The following MBD5 variants were observed in gnomAD, a reference collection of about 807,000 sequenced individuals.
The protein encoded by MBD5 is methyl-CpG binding domain protein 5.
A neutral mutation model predicts 117.3 loss-of-function variants in MBD5; 13 were observed. The observed-to-expected ratio is 0.11, with a 90% CI of 0.07 to 0.18. The LOEUF is 0.18. Among genes scored for constraint, MBD5 ranks in the 10% least tolerant of loss-of-function variants. The probability of loss-of-function intolerance (pLI) is 1.00; values close to 1 mark genes in which losing one functional copy is unlikely to be tolerated. For synonymous variants in MBD5, 727 were observed against 766.4 expected (o/e 0.95, Z 0.85); for missense variants, 1,879 against 2,093.8 (o/e 0.90, Z 2.00).
intron 3 of MBD5, among the ~76,000 whole-genome samples, chr2:148,330,760 A>G (rs150667484): frequency 1.5e-3 from 224 of 152,304 alleles, no homozygotes; most frequent in African/African-American, 5.0e-3. Flanking sequence ...GGTGCAGTGG[A>G]CATGATCCTT....
intron 1 of MBD5, among the ~76,000 whole-genome samples, chr2:148,121,404 T>G (rs1188393860): frequency 1.3e-5 from 2 of 152,028 alleles, no homozygotes; most frequent in African/African-American, 4.8e-5. Context: ...TTTCTAACTT[T>G]TGGGTTTTTT....
At position 148,512,982 on chromosome 2, in the gene MBD5, C is replaced by T. The variant is rs771859790; in HGVS notation, c.*41C>T. ...TAATGCGCAGTGTTTATTAAAGGAA[C>T]ATGCACAGATGTATCTGTATATAGG... On this transcript the variant is annotated 3_prime_UTR_variant, in exon 14 of 14. Coordinates refer to ENST00000642680, the MANE Select transcript of MBD5 (RefSeq NM_001378120.1). 1.9e-6 allele frequency: 3 copies of T among 1,544,312 alleles called. No individual in the cohort carries two copies. The highest frequency in any genetic ancestry group is 2.7e-6 in the Non-Finnish European group (3 of 1,116,802).
intron 5 of MBD5, chr2:148,460,230 T>C (rs1443103546): frequency 1.3e-5 from 2 of 152,116 alleles, no homozygotes; most frequent in African/African-American, 4.8e-5. Flanking sequence ...TAGATGAGCT[T>C]TTTCAACTTC....
chr2:148,289,216 C>T (rs1280876419), intron 3 of MBD5, among the ~76,000 whole-genome samples: 2 of 152,126 alleles, frequency 1.3e-5, no homozygotes, highest in Non-Finnish European at 2.9e-5. Context: ...TAACTTTACT[C>T]CTATTTAATG....
intron 1 of MBD5, among the ~76,000 whole-genome samples, chr2:148,132,415 A>G (rs1384661880): frequency 6.6e-6 from 1 of 150,848 alleles, no homozygotes; most frequent in African/African-American, 2.4e-5. Context: ...ACTGTAAACA[A>G]AAACTCTCCA....
Position 148,248,802 on chromosome 2 carries a change from A to G in MBD5, c.-680+15407A>G, listed in dbSNP as rs1700401807. ...AAAAGATAGACAGACTGACCAGTGG[A>G]ACAAAATAGATTGCTTAGAAACATC... is the stretch of plus-strand genomic sequence containing the variant. On this transcript the variant is annotated intron_variant, in intron 3 of 13. Transcript: ENST00000642680. Among the ~76,000 whole-genome samples the G allele has an allele frequency of 1.3e-5, 2 of 152,112 alleles. 1 individual carries two copies. Among genetic ancestry groups the G allele is most frequent in the South Asian group, 4.1e-4 (2 of 4,820 alleles).
chr2:148,066,724 T>G (rs1049741957), intron 1 of MBD5, among the ~76,000 whole-genome samples: 6 of 152,194 alleles, frequency 3.9e-5, no homozygotes, highest in African/African-American at 1.4e-4. Flanking sequence ...GCAATCCACC[T>G]GCCTTGGCCT....
chr2:148,421,823 G>A (rs527998588), intron 4 of MBD5, among the ~76,000 whole-genome samples: 2 of 152,200 alleles, frequency 1.3e-5, no homozygotes, highest in Non-Finnish European at 2.9e-5. Context: ...CAGGAAGTTC[G>A]AACTGGGCAG....
At chr2:148,183,482 CTT>C (rs1330496225) in intron 2 of MBD5, among the ~76,000 whole-genome samples, 1 of 151,458 alleles carries the variant, frequency 6.6e-6, no homozygotes, top group Non-Finnish European at 1.5e-5. Flanking sequence ...TTTTCCCACA[CTT>C]TGAATGTTTT....
intron 4 of MBD5, among the ~76,000 whole-genome samples, chr2:148,402,568 G>C (rs1704956560): frequency 6.6e-6 from 1 of 151,950 alleles, no homozygotes; most frequent in Non-Finnish European, 1.5e-5. Flanking sequence ...ACTGCTTTCT[G>C]TCACTATAGA....
rs1022904853 is a variant in MBD5, at chr2:148,515,068, C to T, written c.*2127C>T. On this transcript the variant is annotated 3_prime_UTR_variant, in exon 14 of 14. Coordinates refer to ENST00000642680, the MANE Select transcript of MBD5 (RefSeq NM_001378120.1). ...AGTTGATGTGGCTAGTATGTTTAAA[C>T]CATTAATGTCCATTTTTTTTGCACC... 6.6e-6 allele frequency: 1 copy of T among 152,140 alleles called. No individual in the cohort carries two copies. The highest frequency in any genetic ancestry group is 1.5e-5 in the Non-Finnish European group (1 of 68,028). The allele number at this position is 152,140 out of a possible 1,614,324, so 9.4% of individuals were successfully genotyped here.
At chr2:148,046,114 G>A (rs1219083698) in intron 1 of MBD5, among the ~76,000 whole-genome samples, 5 of 151,122 alleles carry the variant, frequency 3.3e-5, no homozygotes, top group Non-Finnish European at 5.9e-5. Context: ...CCCTCGAGTA[G>A]CTGGGACTAC....
intron 4 of MBD5, among the ~76,000 whole-genome samples, chr2:148,434,867 C>T (rs1196309727): frequency 3.3e-5 from 5 of 151,976 alleles, no homozygotes; most frequent in South Asian, 2.1e-4. Context: ...GTGTGGGAAT[C>T]TACACCTCTT....
At chr2:148,044,169 G>A (rs1221241050) in intron 1 of MBD5, among the ~76,000 whole-genome samples, 1 of 152,164 alleles carries the variant, frequency 6.6e-6, no homozygotes, top group African/African-American at 2.4e-5. Context: ...AAAACTGCTT[G>A]AAAATAATAT....
chr2:148,148,243 C>T (rs1326709126), intron 1 of MBD5, among the ~76,000 whole-genome samples: 1 of 152,108 alleles, frequency 6.6e-6, no homozygotes, highest in Non-Finnish European at 1.5e-5. Context: ...TGAGAATGGA[C>T]ATTTGGGAAC....
chr2:148,108,215 A>T (rs551494868), intron 1 of MBD5, among the ~76,000 whole-genome samples: 1 of 152,324 alleles, frequency 6.6e-6, no homozygotes, highest in Non-Finnish European at 1.5e-5. Flanking sequence ...CAGAATTTGC[A>T]TTTTGGATCT....
intron 3 of MBD5, among the ~76,000 whole-genome samples, chr2:148,239,096 A>G (rs1700156257): frequency 6.6e-6 from 1 of 151,826 alleles, no homozygotes; most frequent in South Asian, 2.1e-4. Flanking sequence ...ATATATATAT[A>G]ACTGAGAATA....
chr2:148,193,145 G>A (rs1698881890), intron 2 of MBD5, among the ~76,000 whole-genome samples: 1 of 80,464 alleles, frequency 1.2e-5, no homozygotes, highest in African/African-American at 4.4e-5. Flanking sequence ...CCATGCTCAT[G>A]GGTAGGAAGA....
chr2:148,385,207 G>C lies in MBD5; in HGVS notation c.-557+42871G>C, dbSNP rs571633751. On this transcript the variant is annotated intron_variant, in intron 4 of 13. Transcript: ENST00000642680. ...CAGAATGGGAGAAAATTTTGGCAAC[G>C]TACTCATCTGACAAAGGGCTACTAT... Among the ~76,000 whole-genome samples the C allele has an allele frequency of 4.3e-3, 651 of 152,044 alleles. 6 individuals carry two copies. Among genetic ancestry groups the C allele is most frequent in the African/African-American group, 0.015 (615 of 41,406 alleles).
Sources: allele counts gnomAD v4.1 joint callset (sites outside exome capture counted in the v4.1 genomes callset), GRCh38; gene constraint gnomAD v4.1.1; transcripts MANE v1.5; gene names NCBI Gene and HGNC (gene_info 2026-07-23, HGNC 2026-07-21).